The following PUS10 variants were observed in gnomAD, a reference collection of about 807,000 sequenced individuals.
The protein encoded by PUS10 is pseudouridine synthase 10, also known as tRNA pseudouridine synthase Pus10.
Under a neutral mutation model 75.0 loss-of-function variants are expected in PUS10, and 59 were observed. The ratio of observed to expected loss-of-function variants is 0.79; its 90% CI spans 0.64 to 0.98. PUS10 has a LOEUF of 0.98. Among genes scored for constraint, PUS10 ranks in the 50% least tolerant of loss-of-function variants. The probability of loss-of-function intolerance (pLI) is 0.00; values close to 1 mark genes in which losing one functional copy is unlikely to be tolerated. For synonymous variants in PUS10, 219 were observed against 211.6 expected, an observed-to-expected ratio of 1.03 and a Z score of -0.30; for missense variants, 650 against 614.4, an observed-to-expected ratio of 1.06 and a Z score of -0.61.
intron 4 of PUS10, among the ~76,000 whole-genome samples, 160 bp downstream of exon 4, chr2:61,006,397 A>C (rs1679212250): frequency 6.6e-6 from 1 of 152,256 alleles, no homozygotes; most frequent in East Asian, 1.9e-4. Flanking sequence ...TCACTCACTC[A>C]ACAAGTATTT....
At chr2:60,965,397 T>A in intron 7 of PUS10, 26 bp downstream of exon 7, 3 of 1,579,330 alleles carry the variant, frequency 1.9e-6, no homozygotes, top group Non-Finnish European at 2.6e-6. Flanking sequence ...TTTTACACCA[T>A]TGACGTTGTT....
intron 15 of PUS10, among the ~76,000 whole-genome samples, chr2:60,952,197 G>A (rs1675376050): frequency 6.6e-6 from 1 of 152,052 alleles, no homozygotes; most frequent in Admixed American, 6.5e-5. Context: ...AACCAGGTGT[G>A]GTGGTGGGCG....
chr2:60,976,264 T>A (rs1203579686), intron 4 of PUS10, among the ~76,000 whole-genome samples: 6 of 152,250 alleles, frequency 3.9e-5, no homozygotes, highest in Non-Finnish European at 8.8e-5. Context: ...AAATTCAGAT[T>A]TATACCTTAA....
At chr2:60,942,584 T>A in intron 17 of PUS10, 151 bp from the exon 18 acceptor site, 2 of 642,562 alleles carry the variant, frequency 3.1e-6, no homozygotes, top group Non-Finnish European at 2.8e-6. Context: ...AAATTAACCC[T>A]CAAGTCTGTT....
chr2:60,952,961 A>G (rs1473838537), intron 15 of PUS10, 36 bp downstream of exon 15: 5 of 1,132,832 alleles, frequency 4.4e-6, no homozygotes, highest in Non-Finnish European at 6.7e-6. Context: ...AGGCAACAGA[A>G]AAATGAAATA....
At chr2:60,960,712 A>G (rs1332300133) in intron 10 of PUS10, among the ~76,000 whole-genome samples, 195 bp from the exon 11 acceptor site, 2 of 152,184 alleles carry the variant, frequency 1.3e-5, no homozygotes, top group East Asian at 3.8e-4. Flanking sequence ...AAAGGTTTAA[A>G]GTAACAATAA....
At chr2:61,015,288 G>C (rs1311954835) in intron 1 of PUS10, among the ~76,000 whole-genome samples, 1 of 152,092 alleles carries the variant, frequency 6.6e-6, no homozygotes, top group Non-Finnish European at 1.5e-5. Context: ...ATCACTTGAG[G>C]TCTGGAGTTC....
intron 15 of PUS10, among the ~76,000 whole-genome samples, chr2:60,950,323 A>G (rs1675256402): frequency 6.6e-6 from 1 of 152,216 alleles, no homozygotes; most frequent in Non-Finnish European, 1.5e-5. Context: ...CCTATGAGTC[A>G]TAGATATAGA....
At chr2:60,951,033 T>G (rs915182479) in intron 15 of PUS10, among the ~76,000 whole-genome samples, 2 of 152,356 alleles carry the variant, frequency 1.3e-5, no homozygotes, top group Middle Eastern at 3.4e-3. Flanking sequence ...GTCTTAGTGT[T>G]ACGTCAACCT....
At chr2:60,944,844 A>C (rs894123106) in intron 17 of PUS10, among the ~76,000 whole-genome samples, 165 bp downstream of exon 17, 5 of 152,234 alleles carry the variant, frequency 3.3e-5, no homozygotes, top group African/African-American at 1.2e-4. Flanking sequence ...TATTAAAAAA[A>C]AAAATCCGAA....
intron 2 of PUS10, among the ~76,000 whole-genome samples, chr2:61,011,422 A>G (rs1679589409): frequency 6.6e-6 from 1 of 152,236 alleles, no homozygotes; most frequent in South Asian, 2.1e-4. Flanking sequence ...ACATAGTAGG[A>G]CATGTAAGGA....
chr2:60,974,905 G>A (rs1167426598), intron 4 of PUS10, among the ~76,000 whole-genome samples: 1 of 152,200 alleles, frequency 6.6e-6, no homozygotes, highest in Non-Finnish European at 1.5e-5. Flanking sequence ...CGAGCCTAGC[G>A]GGCTAGAGAA....
chr2:60,982,393 G>A (rs1481945645), intron 4 of PUS10, among the ~76,000 whole-genome samples: 1 of 152,098 alleles, frequency 6.6e-6, no homozygotes, highest in Non-Finnish European at 1.5e-5. Context: ...CTCCCGAGTA[G>A]CTGGGATTAC....
intron 9 of PUS10, among the ~76,000 whole-genome samples, chr2:60,962,582 T>C (rs888805506): frequency 6.6e-6 from 1 of 151,304 alleles, no homozygotes; most frequent in African/African-American, 2.4e-5. Context: ...CTCAAAAAAA[T>C]AAATAAATAA....
At chr2:60,974,112 C>A (rs996420048) in intron 4 of PUS10, among the ~76,000 whole-genome samples, 1 of 152,000 alleles carries the variant, frequency 6.6e-6, no homozygotes, top group Non-Finnish European at 1.5e-5. Flanking sequence ...ACTCTCTCTG[C>A]TGAGAGCTGA....
Position 60,942,164 on chromosome 2 carries a change from G to T in PUS10, c.*231C>A. ...TATTCATAGTTTGGTTTGTGGGGGT[G>T]AAAGAGGGAATGAGAAAAATCCTAA... is the stretch of plus-strand genomic sequence containing the variant. On this transcript the variant is annotated 3_prime_UTR_variant, in exon 18 of 18. Coordinates refer to ENST00000316752, the MANE Select transcript of PUS10 (RefSeq NM_144709.4). 2 of 470,724 alleles carry T rather than the reference G, an allele frequency of 4.2e-6. No homozygotes were observed. Among genetic ancestry groups the T allele is most frequent in the Non-Finnish European group, 7.7e-6 (2 of 258,706 alleles). The allele number at this position is 470,724 out of a possible 1,614,324, so 29.2% of individuals were successfully genotyped here.
chr2:60,942,444 G>T lies in PUS10; in HGVS notation c.1552-11C>A. ...GTCAACATCTACAGACTAGAAGGGA[G>T]AAAAGAAGTCATTAAAACAGATATT... On this transcript the variant is annotated splice_polypyrimidine_tract_variant and intron_variant, in intron 17 of 17. Coordinates refer to ENST00000316752, the MANE Select transcript of PUS10 (RefSeq NM_144709.4). 1 of 1,607,936 alleles carries T rather than the reference G, an allele frequency of 6.2e-7. No individual in the cohort carries two copies. The highest frequency in any genetic ancestry group is 8.5e-7 in the Non-Finnish European group (1 of 1,174,414).
chr2:61,009,396 C>A (rs1435678370), intron 2 of PUS10, among the ~76,000 whole-genome samples: 1 of 152,138 alleles, frequency 6.6e-6, no homozygotes, highest in Non-Finnish European at 1.5e-5. Flanking sequence ...AAAGTACAAA[C>A]TGAATTTCCA....
Position 60,940,798 on chromosome 2 carries a change from C to G in PUS10, c.*1597G>C, listed in dbSNP as rs1370530949. On this transcript the variant is annotated 3_prime_UTR_variant, in exon 18 of 18. Transcript: ENST00000316752. ...AGGAACATCCACACAGAAATTCTTA[C>G]CTTTTTATCAAAAGTTTGTTATCCT... The G allele has an allele frequency of 2.0e-5, 3 of 152,388 alleles. No homozygotes were observed. The East Asian group carries it at 5.6e-4, about 29-fold the overall frequency. The allele number at this position is 152,388 out of a possible 1,614,324, so 9.4% of individuals were successfully genotyped here. A position where few individuals can be genotyped will look rare whatever the true frequency, so the allele number is the denominator to read the frequency against.
Sources: allele counts gnomAD v4.1 joint callset (sites outside exome capture counted in the v4.1 genomes callset), GRCh38; gene constraint gnomAD v4.1.1; transcripts MANE v1.5; gene names NCBI Gene and HGNC (gene_info 2026-07-23, HGNC 2026-07-21).